The following EXOC4 variants were observed in gnomAD, a reference collection of about 807,000 sequenced individuals.
EXOC4 encodes SEC8-like 1.
In EXOC4, 71 loss-of-function variants were observed where a neutral mutation model predicts 107.2. The observed-to-expected ratio is 0.66, with a 90% CI of 0.55 to 0.81. EXOC4 has a LOEUF of 0.81. Among genes scored for constraint, EXOC4 ranks in the 30% least tolerant of loss-of-function variants. The probability of loss-of-function intolerance (pLI) is 0.00; values close to 1 mark genes in which losing one functional copy is unlikely to be tolerated. For synonymous variants in EXOC4, 456 were observed against 441.2 expected (o/e 1.03, Z -0.42); for missense variants, 1,108 against 1,189.6 (o/e 0.93, Z 1.01).
At chr7:133,311,054 A>C (rs368935999) in intron 4 of EXOC4, among the ~76,000 whole-genome samples, 2 of 152,230 alleles carry the variant, frequency 1.3e-5, no homozygotes, top group Non-Finnish European at 2.9e-5. Context: ...ACATGCTCAC[A>C]TACAAAAAAT....
At chr7:133,506,005 A>G (rs1300334257) in intron 9 of EXOC4, among the ~76,000 whole-genome samples, 3 of 152,212 alleles carry the variant, frequency 2.0e-5, no homozygotes, top group Non-Finnish European at 4.4e-5. Context: ...TGGAATATGT[A>G]AATACTTTCA....
chr7:133,766,325 T>C (rs1796138159), intron 10 of EXOC4, among the ~76,000 whole-genome samples: 1 of 152,088 alleles, frequency 6.6e-6, no homozygotes, highest in Non-Finnish European at 1.5e-5. Context: ...ATTATAACTG[T>C]ATGTGCTTGT....
At chr7:133,657,455 T>C (rs1362873954) in intron 10 of EXOC4, among the ~76,000 whole-genome samples, 1 of 152,208 alleles carries the variant, frequency 6.6e-6, no homozygotes, top group Admixed American at 6.6e-5. Context: ...AGGGTCATTA[T>C]ACTTTTAGTA....
the EXOC4 span, among the ~76,000 whole-genome samples, chr7:134,100,091 A>T: frequency 2.6e-5 from 4 of 152,280 alleles, no homozygotes; most frequent in South Asian, 2.1e-4. Flanking sequence ...ACTTAAAAAA[A>T]ATATGCATTT....
chr7:133,907,404 T>C (rs757587826), intron 12 of EXOC4, among the ~76,000 whole-genome samples: 11 of 152,206 alleles, frequency 7.2e-5, no homozygotes, highest in Non-Finnish European at 1.5e-4. Context: ...CAATTGTAGC[T>C]TCACATCAAG....
At chr7:133,553,535 A>G (rs559018121) in intron 9 of EXOC4, among the ~76,000 whole-genome samples, 2 of 152,142 alleles carry the variant, frequency 1.3e-5, no homozygotes, top group South Asian at 2.1e-4. Flanking sequence ...GTGCCTGTGC[A>G]TGTGCTGTTA....
intron 1 of EXOC4, among the ~76,000 whole-genome samples, chr7:133,271,363 A>G (rs1471936817): frequency 6.6e-6 from 1 of 152,154 alleles, no homozygotes; most frequent in East Asian, 1.9e-4. Context: ...ACCGCCTACC[A>G]TTGCTTGGCA....
At chr7:133,326,799 C>G (rs1298081801) in intron 5 of EXOC4, among the ~76,000 whole-genome samples, 1 of 152,234 alleles carries the variant, frequency 6.6e-6, no homozygotes, top group Non-Finnish European at 1.5e-5. Context: ...ATGCCCTGCC[C>G]CCAGAGGTGC....
At chr7:133,337,159 C>T (rs1795536866) in intron 5 of EXOC4, among the ~76,000 whole-genome samples, 1 of 152,048 alleles carries the variant, frequency 6.6e-6, no homozygotes, top group Non-Finnish European at 1.5e-5. Context: ...GTGTTGAATT[C>T]TATTTGTTAA....
At chr7:133,903,950 G>A (rs115167548) in intron 12 of EXOC4, among the ~76,000 whole-genome samples, 1 of 152,170 alleles carries the variant, frequency 6.6e-6, no homozygotes, top group African/African-American at 2.4e-5. Context: ...CGGACTGAGT[G>A]ATAAATGTAG....
chr7:133,483,391 G>A (rs760081369), intron 9 of EXOC4, among the ~76,000 whole-genome samples: 2 of 152,130 alleles, frequency 1.3e-5, no homozygotes, highest in African/African-American at 2.4e-5. Context: ...GAGCTCTCTG[G>A]CCCAGGACAA....
At chr7:133,517,700 A>ACC (rs34260966) in intron 9 of EXOC4, among the ~76,000 whole-genome samples, 19 of 151,954 alleles carry the variant, frequency 1.3e-4, no homozygotes, top group Admixed American at 1.0e-3. Context: ...TGATTCAATT[A>ACC]CCCCCCACTG....
intron 10 of EXOC4, among the ~76,000 whole-genome samples, chr7:133,725,359 G>T (rs1175004583): frequency 6.6e-6 from 1 of 151,942 alleles, no homozygotes; most frequent in Non-Finnish European, 1.5e-5. Flanking sequence ...ACTATATTAG[G>T]GTTTACATTT....
At chr7:133,569,303 A>G (rs575533702) in intron 9 of EXOC4, among the ~76,000 whole-genome samples, 1 of 152,334 alleles carries the variant, frequency 6.6e-6, no homozygotes, top group East Asian at 1.9e-4. Flanking sequence ...AAAGCAAGTA[A>G]GAATTTTCAG....
chr7:133,425,895 C>A (rs549111542), intron 7 of EXOC4, among the ~76,000 whole-genome samples: 4 of 152,220 alleles, frequency 2.6e-5, no homozygotes, highest in African/African-American at 9.6e-5. Context: ...TCTGGAAGAC[C>A]CTGCTTTGAG....
chr7:133,501,053 A>G (rs148622792), intron 9 of EXOC4, among the ~76,000 whole-genome samples: 68 of 152,346 alleles, frequency 4.5e-4, no homozygotes, highest in African/African-American at 1.6e-3. Flanking sequence ...AAAGCCATAC[A>G]TGTATGTATA....
intron 7 of EXOC4, among the ~76,000 whole-genome samples, chr7:133,416,370 G>A (rs925774716): frequency 1.3e-5 from 2 of 152,148 alleles, no homozygotes; most frequent in Admixed American, 6.6e-5. Context: ...AGAGTGACAA[G>A]TTTTTTATTC....
rs187369098 is a variant in EXOC4, at chr7:134,056,199, G to A, written c.2688-8092G>A. On this transcript the variant is annotated intron_variant, in intron 17 of 17. Coordinates refer to ENST00000253861, the MANE Select transcript of EXOC4 (RefSeq NM_021807.4). Reference sequence around the variant, plus strand: ...TTAGATAAATTGTCTTTAAAAATCAGAAAGACTCTCTAAAGTGATATTTGA... The same window carrying A: ...TTAGATAAATTGTCTTTAAAAATCAAAAAGACTCTCTAAAGTGATATTTGA... Among the ~76,000 whole-genome samples the A allele has an allele frequency of 3.1e-3, 470 of 152,146 alleles. 3 individuals carry two copies. Among genetic ancestry groups the A allele is most frequent in the Admixed American group, 5.4e-3 (83 of 15,284 alleles).
At chr7:133,826,843 GA>G (rs1323082698) in intron 11 of EXOC4, among the ~76,000 whole-genome samples, 1 of 151,904 alleles carries the variant, frequency 6.6e-6, no homozygotes, top group African/African-American at 2.4e-5. Context: ...AAAAAATCAA[GA>G]AAAAAATGTC....
Sources: gnomAD v4.1 joint callset for allele counts (sites outside exome capture counted in the v4.1 genomes callset) on GRCh38, gnomAD v4.1.1 for gene constraint, MANE v1.5 for transcripts, NCBI Gene and HGNC (gene_info 2026-07-23, HGNC 2026-07-21) for gene names.